PIAS2: variants seen among roughly 807,000 people sequenced by gnomAD.
The protein encoded by PIAS2 is protein inhibitor of activated STAT 2.
In PIAS2, 19 loss-of-function variants were observed where a neutral mutation model predicts 69.7. That is an observed-to-expected ratio of 0.27 (90% CI 0.19 to 0.40). PIAS2 has a LOEUF of 0.40. Ranked by LOEUF, PIAS2 falls within the 10% of genes least tolerant of loss-of-function variation. PIAS2 has a pLI of 1.00. For missense variants in PIAS2, 624 were observed against 757.0 expected (o/e 0.82, Z 2.06); for synonymous variants, 261 against 263.2 (o/e 0.99, Z 0.08).
Position 46,815,594 on chromosome 18 carries a change from T to G in PIAS2, c.1649-245A>C, listed in dbSNP as rs899182328. The G allele has an allele frequency of 3.0e-5, 35 of 1,170,282 alleles. No individual in the cohort carries two copies. In the South Asian group the frequency reaches 1.0e-3, roughly 33 times the overall value. 72.5% of individuals were successfully genotyped at this position (1,170,282 alleles called of 1,614,324 possible). On this transcript the variant is annotated intron_variant, in intron 12 of 13. Transcript: ENST00000585916. ...ACTCAAATGCAGAAGTCCAAAACTT[T>G]CCAGTGAAGGACTAGTCAAAACAAA... is the stretch of plus-strand genomic sequence containing the variant.
chr18:46,832,694 C>T (rs950669382), intron 9 of PIAS2, among the ~76,000 whole-genome samples: 2 of 151,804 alleles, frequency 1.3e-5, no homozygotes, highest in African/African-American at 4.8e-5. Flanking sequence ...AGTTGGAGAC[C>T]AGCCTGGCCA....
At chr18:46,880,166 C>T (rs925745112) in intron 2 of PIAS2, among the ~76,000 whole-genome samples, 6 of 150,956 alleles carry the variant, frequency 4.0e-5, no homozygotes, top group Non-Finnish European at 7.4e-5. Context: ...AAGGCCGAGA[C>T]GGGAGGATCC....
chr18:46,830,326 A>G (rs1431438587), intron 9 of PIAS2, among the ~76,000 whole-genome samples: 1 of 152,154 alleles, frequency 6.6e-6, no homozygotes, highest in Non-Finnish European at 1.5e-5. Context: ...ATTTAAAATA[A>G]GTGTATTTGA....
chr18:46,856,463 T>C (rs1599804068), intron 3 of PIAS2, among the ~76,000 whole-genome samples: 1 of 152,184 alleles, frequency 6.6e-6, no homozygotes, highest in East Asian at 1.9e-4. Flanking sequence ...TGCAACTTCA[T>C]AATTATGTAT....
At chr18:46,870,251 GC>G (rs1261689778) in intron 2 of PIAS2, among the ~76,000 whole-genome samples, 1 of 152,086 alleles carries the variant, frequency 6.6e-6, no homozygotes, top group Non-Finnish European at 1.5e-5. Flanking sequence ...TGAGGGAAGT[GC>G]CCCTTGGAGG....
chr18:46,836,290 G>A (rs1203055005), intron 9 of PIAS2, 67 bp downstream of exon 9: 2 of 1,210,342 alleles, frequency 1.7e-6, no homozygotes, highest in Non-Finnish European at 1.2e-6. Context: ...GTAAGTTGTA[G>A]TGAACAAAGG....
At chr18:46,918,627 G>A (rs1238036109), upstream of PIAS2, among the ~76,000 whole-genome samples, 2 of 152,110 alleles carry the variant, frequency 1.3e-5, no homozygotes, top group Non-Finnish European at 2.9e-5. Context: ...TCTCCAAGTT[G>A]GTCAGGCTGG....
At chr18:46,898,855 G>A (rs1177308725) in intron 1 of PIAS2, among the ~76,000 whole-genome samples, 3 of 151,770 alleles carry the variant, frequency 2.0e-5, no homozygotes, top group Admixed American at 6.6e-5. Context: ...TTAGCCGGGC[G>A]TGATGGGAGG....
chr18:46,890,823 C>T lies in PIAS2; in HGVS notation c.256G>A (p.Asp86Asn). ...GGTTCTACAGGTGATGAGCCACCAT[C>T]CAAACTGAAAACCGATGATTTGATT... is the stretch of plus-strand genomic sequence containing the variant. ...STIKSSVFSLDGGSSPVEPDL... is the reference protein window; with the variant it reads ...STIKSSVFSLNGGSSPVEPDL... The change falls in exon 2 of 14, where the codon GAT becomes AAT. Residue 86 changes from aspartate to asparagine, a missense_variant. By Grantham distance (23) the Asp-to-Asn change is conservative. Around this residue, in one of 3 missense-constraint regions of PIAS2, gnomAD observed 339 missense variants for 408.8 expected, o/e 0.83. Transcript: ENST00000585916. 6.2e-7 allele frequency: 1 copy of T among 1,614,206 alleles called. No homozygotes were observed. Among genetic ancestry groups the T allele is most frequent in the Non-Finnish European group, 8.5e-7 (1 of 1,180,038 alleles).
chr18:46,895,393 G>A (rs192630949), intron 1 of PIAS2, among the ~76,000 whole-genome samples: 8 of 152,152 alleles, frequency 5.3e-5, no homozygotes, highest in African/African-American at 1.9e-4. Context: ...ACCTCAGGAC[G>A]GACACGGTGG....
chr18:46,891,372 T>C (rs1271208607), intron 1 of PIAS2: 3 of 342,484 alleles, frequency 8.8e-6, no homozygotes, highest in African/African-American at 6.4e-5. Context: ...GACTATAAAA[T>C]CTATCACCAA....
At chr18:46,840,585 T>A (rs1051234196) in intron 8 of PIAS2, among the ~76,000 whole-genome samples, 1 of 152,152 alleles carries the variant, frequency 6.6e-6, no homozygotes, top group African/African-American at 2.4e-5. Context: ...AACGAGAATA[T>A]CCAGGACTAT....
chr18:46,817,842 T>A, intron 12 of PIAS2: 1 of 960,222 alleles, frequency 1.0e-6, no homozygotes, highest in Non-Finnish European at 1.2e-6. Context: ...TCTTCTTGCA[T>A]TTTACATTTT....
intron 9 of PIAS2, among the ~76,000 whole-genome samples, chr18:46,831,489 C>G (rs1342193996): frequency 1.3e-5 from 2 of 152,142 alleles, no homozygotes. Flanking sequence ...CCCTAATTGA[C>G]AAGCTGATTC....
At chr18:46,867,915 T>G (rs553960590) in intron 2 of PIAS2, among the ~76,000 whole-genome samples, 1 of 152,220 alleles carries the variant, frequency 6.6e-6, no homozygotes, top group East Asian at 1.9e-4. Flanking sequence ...GGGACACTCA[T>G]TCTTGGAACC....
At chr18:46,866,873 A>G (rs1035365826) in intron 2 of PIAS2, among the ~76,000 whole-genome samples, 5 of 152,188 alleles carry the variant, frequency 3.3e-5, no homozygotes. Context: ...AGGTATCTAC[A>G]CCTGTAAAGT....
At chr18:46,881,585 C>A (rs1334938399) in intron 2 of PIAS2, among the ~76,000 whole-genome samples, 1 of 152,176 alleles carries the variant, frequency 6.6e-6, no homozygotes, top group Non-Finnish European at 1.5e-5. Context: ...TAGGCGCATT[C>A]ATCCTTCAAA....
At chr18:46,856,553 C>T (rs1206497104) in intron 3 of PIAS2, among the ~76,000 whole-genome samples, 1 of 151,986 alleles carries the variant, frequency 6.6e-6, no homozygotes, top group African/African-American at 2.4e-5. Context: ...CATACTGAAC[C>T]CTCCAAACTC....
intron 8 of PIAS2, among the ~76,000 whole-genome samples, chr18:46,838,710 T>G (rs1264651164): frequency 1.3e-5 from 2 of 152,244 alleles, no homozygotes; most frequent in African/African-American, 4.8e-5. Context: ...AAAATCTTCA[T>G]AACTCTATGA....
Sources: allele counts gnomAD v4.1 joint callset (sites outside exome capture counted in the v4.1 genomes callset), GRCh38; gene constraint gnomAD v4.1.1; regional missense constraint gnomAD v4.1.1; transcripts MANE v1.5; gene names NCBI Gene and HGNC (gene_info 2026-07-23, HGNC 2026-07-21).